Variants in ATXN7L1 observed in about 807,000 individuals in gnomAD.
ATXN7L1 encodes the protein ataxin 7 like 1.
In ATXN7L1, 15 loss-of-function variants were observed where a neutral mutation model predicts 70.8. The observed-to-expected ratio is 0.21, with a 90% CI of 0.14 to 0.33. ATXN7L1 has a LOEUF of 0.33. Among genes scored for constraint, ATXN7L1 ranks in the 10% least tolerant of loss-of-function variants. ATXN7L1 has a pLI of 1.00. For missense variants in ATXN7L1, 975 were observed against 1,097.1 expected (o/e 0.89, Z 1.57); for synonymous variants, 440 against 445.1 (o/e 0.99, Z 0.14).
chr7:105,675,684 T>C lies in ATXN7L1; in HGVS notation c.356-10396A>G. On this transcript the variant is annotated intron_variant, in intron 3 of 11. Coordinates refer to ENST00000419735, the MANE Select transcript of ATXN7L1 (RefSeq NM_020725.2). ...TGATGATGAGGAAAAAAGAGAATGA[T>C]ATAAGATGCATTGCTTAATAGGCTC... Among the ~76,000 whole-genome samples the C allele has an allele frequency of 1.3e-5, 2 of 151,826 alleles. 1 individual carries two copies.
chr7:105,620,385 GA>G lies in ATXN7L1; in HGVS notation c.1396-65del. 2.8e-6 allele frequency: 4 copies of G among 1,431,130 alleles called. No individual in the cohort carries two copies. In the South Asian group the frequency reaches 4.1e-5, roughly 15 times the overall value. 88.7% of individuals were successfully genotyped at this position (1,431,130 alleles called of 1,614,324 possible). The stretch of plus-strand genomic sequence containing the variant: ...AATAAGCTAATATAAACTATACAGA[GA>G]AAAATAACATTTACATAAAAACATA... On this transcript the variant is annotated intron_variant, in intron 8 of 11. Coordinates refer to ENST00000419735, the MANE Select transcript of ATXN7L1 (RefSeq NM_020725.2).
At chr7:105,670,544 A>G (rs1803385770) in intron 3 of ATXN7L1, among the ~76,000 whole-genome samples, 2 of 152,208 alleles carry the variant, frequency 1.3e-5, no homozygotes, top group Non-Finnish European at 2.9e-5. Flanking sequence ...CTAACATTCT[A>G]CATATACGTA....
chr7:105,621,220 C>A (rs932229998), intron 8 of ATXN7L1, among the ~76,000 whole-genome samples: 3 of 152,168 alleles, frequency 2.0e-5, no homozygotes, highest in African/African-American at 7.2e-5. Flanking sequence ...CTGTTGTCTC[C>A]TTCCTTCTTC....
rs79393966 is a variant in ATXN7L1, at chr7:105,675,921, T to G, written c.356-10633A>C. ...TTTTTCTTAGCATTTCCTTGGCACC[T>G]ACCATGTGCCAGACACTGGGCTATG... On this transcript the variant is annotated intron_variant, in intron 3 of 11. Coordinates refer to ENST00000419735, the MANE Select transcript of ATXN7L1 (RefSeq NM_020725.2). Among the ~76,000 whole-genome samples, 663 of 151,162 alleles carry G rather than the reference T, an allele frequency of 4.4e-3. 26 individuals carry two copies. In the East Asian group the frequency reaches 0.11, roughly 25 times the overall value.
intron 2 of ATXN7L1, among the ~76,000 whole-genome samples, chr7:105,805,095 CG>C (rs1451681836): frequency 1.3e-5 from 2 of 152,280 alleles, no homozygotes; most frequent in Admixed American, 6.5e-5. Context: ...AAACAACGAA[CG>C]AGCCGGACAG....
chr7:105,702,715 C>T (rs549713473), intron 3 of ATXN7L1, among the ~76,000 whole-genome samples: 1 of 152,182 alleles, frequency 6.6e-6, no homozygotes, highest in Non-Finnish European at 1.5e-5. Flanking sequence ...CGTGGTGGCT[C>T]ATGCCTGTAA....
At position 105,641,214 on chromosome 7, in the gene ATXN7L1, C is replaced by CTTTTTTTTTTT. The variant is rs561100060; in HGVS notation, c.862+1613_862+1623dup. Among the ~76,000 whole-genome samples, 13 of 21,796 alleles carry CTTTTTTTTTTT rather than the reference C, an allele frequency of 6.0e-4. 1 individual carries two copies. Among genetic ancestry groups the CTTTTTTTTTTT allele is most frequent in the African/African-American group, 1.8e-3 (11 of 6,056 alleles). 14.3% of individuals were successfully genotyped at this position (21,796 alleles called of 152,430 possible). On this transcript the variant is annotated intron_variant, in intron 5 of 11. Transcript: ENST00000419735. ...GCCTTTTCTCTCTCTCTCTCTCTCTCTTTTTTTTTTTTTTTTTTTTTTTTT... is the reference window on the plus strand; with the variant it reads ...GCCTTTTCTCTCTCTCTCTCTCTCTCTTTTTTTTTTTTTTTTTTTTTTTTTTTTTTTTTTTT...
chr7:105,763,168 T>C (rs1217998287), intron 3 of ATXN7L1, among the ~76,000 whole-genome samples: 1 of 152,250 alleles, frequency 6.6e-6, no homozygotes, highest in African/African-American at 2.4e-5. Flanking sequence ...AACAGGTTAC[T>C]AACACACTCT....
intron 9 of ATXN7L1, chr7:105,617,844 T>C (rs1277136529): frequency 4.6e-6 from 2 of 436,506 alleles, no homozygotes; most frequent in South Asian, 3.2e-5. Flanking sequence ...GTTAAATGCT[T>C]GTTAAAGAAA....
In ATXN7L1 at chr7:105,626,412, C is replaced by G. The variant is rs74677079; in HGVS notation, c.1203-2145G>C. ...GATATACAGTTCTGGAGATGGATGA[C>G]AGTATGACTACACAACATTGTGAAT... On this transcript the variant is annotated intron_variant, in intron 7 of 11. Coordinates refer to ENST00000419735, the MANE Select transcript of ATXN7L1 (RefSeq NM_020725.2). Among the ~76,000 whole-genome samples, 18 of 152,282 alleles carry G rather than the reference C, an allele frequency of 1.2e-4. No homozygotes were observed. The East Asian group carries it at 3.5e-3, about 29-fold the overall frequency.
At chr7:105,624,344 T>G (rs1471919327) in intron 7 of ATXN7L1, 77 bp from the exon 8 acceptor site, 1 of 1,272,648 alleles carries the variant, frequency 7.9e-7, no homozygotes, top group East Asian at 3.1e-5. Flanking sequence ...CCCAGTTTAA[T>G]GGTGCTCAGA....
intron 10 of ATXN7L1, chr7:105,613,583 T>A (rs879813700): frequency 1.9e-4 from 260 of 1,349,138 alleles, no homozygotes; most frequent in Non-Finnish European, 2.5e-4. Context: ...TACTCATCTG[T>A]AAAGTGATAA....
At chr7:105,767,569 T>G (rs10281039) in intron 3 of ATXN7L1, among the ~76,000 whole-genome samples, 1 of 152,124 alleles carries the variant, frequency 6.6e-6, no homozygotes, top group Non-Finnish European at 1.5e-5. Flanking sequence ...TGTATAGATG[T>G]CTGGTGTTCT....
At chr7:105,722,432 C>A (rs1021417148) in intron 3 of ATXN7L1, among the ~76,000 whole-genome samples, 1 of 151,648 alleles carries the variant, frequency 6.6e-6, no homozygotes, top group African/African-American at 2.4e-5. Flanking sequence ...CATGGTAGTA[C>A]AGGCCTATAG....
At chr7:105,874,239 T>C (rs766710665) in intron 2 of ATXN7L1, among the ~76,000 whole-genome samples, 4 of 152,026 alleles carry the variant, frequency 2.6e-5, no homozygotes, top group Non-Finnish European at 4.4e-5. Context: ...TTGTGTGTGA[T>C]AGTCATAACG....
At chr7:105,670,915 G>A (rs1803472295) in intron 3 of ATXN7L1, among the ~76,000 whole-genome samples, 1 of 152,004 alleles carries the variant, frequency 6.6e-6, no homozygotes, top group South Asian at 2.1e-4. Context: ...GACCATCCTG[G>A]CTAACACGGT....
chr7:105,645,563 G>A (rs1022042089), intron 4 of ATXN7L1, among the ~76,000 whole-genome samples: 11 of 150,958 alleles, frequency 7.3e-5, no homozygotes, highest in African/African-American at 1.5e-4. Flanking sequence ...TTGGGAGGCC[G>A]AGGCAGGTGG....
intron 2 of ATXN7L1, among the ~76,000 whole-genome samples, chr7:105,873,132 C>A (rs547399448): frequency 6.6e-6 from 1 of 150,688 alleles, no homozygotes; most frequent in African/African-American, 2.4e-5. Flanking sequence ...CCAGCCTGGG[C>A]GGCAGAGCAA....
At chr7:105,790,121 G>A (rs963389102) in intron 2 of ATXN7L1, among the ~76,000 whole-genome samples, 2 of 152,186 alleles carry the variant, frequency 1.3e-5, no homozygotes, top group African/African-American at 4.8e-5. Flanking sequence ...AACACAAAAA[G>A]GAGGTAAGTG....
Sources: allele counts gnomAD v4.1 joint callset (sites outside exome capture counted in the v4.1 genomes callset), GRCh38; gene constraint gnomAD v4.1.1; transcripts MANE v1.5; gene names NCBI Gene and HGNC (gene_info 2026-07-23, HGNC 2026-07-21).